BRINP3: variants seen among roughly 807,000 people sequenced by gnomAD.
The protein encoded by BRINP3 is BMP/retinoic acid-inducible neural-specific protein 3.
In BRINP3, 19 loss-of-function variants were observed where a neutral mutation model predicts 71.0. The ratio of observed to expected loss-of-function variants is 0.27; its 90% CI spans 0.19 to 0.39. The LOEUF is 0.39. Ranked by LOEUF, BRINP3 falls within the 10% of genes least tolerant of loss-of-function variation. The pLI, the probability that BRINP3 is intolerant of heterozygous loss-of-function variation, is 1.00. For missense variants in BRINP3, 959 were observed against 940.8 expected (o/e 1.02, Z -0.25); for synonymous variants, 380 against 337.7 (o/e 1.13, Z -1.37).
chr1:190,293,561 T>C (rs1664026604), intron 2 of BRINP3, among the ~76,000 whole-genome samples: 1 of 152,174 alleles, frequency 6.6e-6, no homozygotes. Context: ...AGTTTAACTT[T>C]GATGTTTCCT....
chr1:190,098,495 A>G lies in BRINP3; in HGVS notation c.1824T>C (p.Tyr608=). ...RTKLDLPLQC[Y]NWTLTLGNKW... ...TGTTCCCCAGAGTTAATGTCCAGTT[A>G]TAACACTGCAGGGGTAGGTCCAACT... Residue 608 remains tyrosine, a synonymous_variant, in exon 8 of 8, where the codon TAT becomes TAC. Transcript: ENST00000367462. 6.2e-7 allele frequency: 1 copy of G among 1,614,152 alleles called. No individual in the cohort carries two copies. Among genetic ancestry groups the G allele is most frequent in the Non-Finnish European group, 8.5e-7 (1 of 1,180,018 alleles).
intron 6 of BRINP3, among the ~76,000 whole-genome samples, chr1:190,198,992 G>C (rs537231640): frequency 3.3e-5 from 5 of 150,606 alleles, no homozygotes; most frequent in African/African-American, 1.2e-4. Context: ...ATAAAGGAAA[G>C]GGGCTTGATG....
intron 2 of BRINP3, among the ~76,000 whole-genome samples, chr1:190,337,177 T>C (rs1295968728): frequency 6.6e-6 from 1 of 151,864 alleles, no homozygotes; most frequent in African/African-American, 2.4e-5. Context: ...GGAAACCCAA[T>C]TTTCTCTATG....
chr1:190,218,619 T>A (rs1013687523), intron 6 of BRINP3, among the ~76,000 whole-genome samples: 41 of 152,044 alleles, frequency 2.7e-4, no homozygotes, highest in Non-Finnish European at 5.4e-4. Flanking sequence ...CTGTTGGCAA[T>A]TTTGAAACAT....
intron 2 of BRINP3, among the ~76,000 whole-genome samples, chr1:190,359,263 G>A (rs111363388): frequency 7.4e-4 from 112 of 152,086 alleles, no homozygotes; most frequent in Admixed American, 1.2e-3. Context: ...TTTTCTCATC[G>A]CTCCTGGGAG....
At chr1:190,109,737 G>A (rs1379456773) in intron 7 of BRINP3, among the ~76,000 whole-genome samples, 1 of 152,226 alleles carries the variant, frequency 6.6e-6, no homozygotes, top group African/African-American at 2.4e-5. Context: ...TCTGGAGTTG[G>A]CAAGCTCTTT....
At chr1:190,216,579 G>A (rs1424358441) in intron 6 of BRINP3, among the ~76,000 whole-genome samples, 1 of 151,864 alleles carries the variant, frequency 6.6e-6, no homozygotes, top group Middle Eastern at 3.4e-3. Flanking sequence ...GGCTGTAACA[G>A]GTGGGTTTTC....
At chr1:190,341,507 C>A (rs1411973536) in intron 2 of BRINP3, among the ~76,000 whole-genome samples, 1 of 151,678 alleles carries the variant, frequency 6.6e-6, no homozygotes, top group Non-Finnish European at 1.5e-5. Flanking sequence ...AGTAATGCCA[C>A]CCATTTTGTA....
chr1:190,410,570 T>C (rs568518238), intron 2 of BRINP3, among the ~76,000 whole-genome samples: 62 of 152,160 alleles, frequency 4.1e-4, no homozygotes, highest in Admixed American at 2.4e-3. Flanking sequence ...TATTTAAACC[T>C]ATAGAGAATA....
At chr1:190,198,054 C>A (rs958252866) in intron 6 of BRINP3, among the ~76,000 whole-genome samples, 1 of 152,154 alleles carries the variant, frequency 6.6e-6, no homozygotes, top group Admixed American at 6.6e-5. Context: ...ACAGGCCCAA[C>A]ACCACCTGTA....
At chr1:190,466,200 G>A (rs1159113704) in intron 1 of BRINP3, among the ~76,000 whole-genome samples, 6 of 150,784 alleles carry the variant, frequency 4.0e-5, no homozygotes, top group Non-Finnish European at 8.9e-5. Context: ...AAATGGTTCA[G>A]CAAAGATATT....
intron 2 of BRINP3, among the ~76,000 whole-genome samples, chr1:190,311,137 T>C (rs1256013336): frequency 6.6e-6 from 1 of 151,758 alleles, no homozygotes; most frequent in Non-Finnish European, 1.5e-5. Flanking sequence ...GCCAATGAAC[T>C]GAAACAGCAA....
chr1:190,184,347 G>C (rs1653311982), intron 6 of BRINP3, among the ~76,000 whole-genome samples: 1 of 152,126 alleles, frequency 6.6e-6, no homozygotes, highest in Non-Finnish European at 1.5e-5. Flanking sequence ...ACTTAAAACA[G>C]AGCTACCATT....
intron 2 of BRINP3, among the ~76,000 whole-genome samples, chr1:190,371,382 C>G (rs569786533): frequency 6.6e-6 from 1 of 152,254 alleles, no homozygotes; most frequent in East Asian, 1.9e-4. Flanking sequence ...TAATTTTATT[C>G]TGCTGCATGT....
chr1:190,200,311 T>C (rs918345075), intron 6 of BRINP3, among the ~76,000 whole-genome samples: 15 of 152,134 alleles, frequency 9.9e-5, no homozygotes, highest in Admixed American at 6.6e-4. Context: ...ATGAAAACTA[T>C]TATTAGCTCC....
intron 2 of BRINP3, among the ~76,000 whole-genome samples, chr1:190,420,297 C>T (rs1487705941): frequency 1.3e-5 from 2 of 151,894 alleles, no homozygotes; most frequent in Non-Finnish European, 2.9e-5. Context: ...ACACCTTTAA[C>T]AAGAATATAT....
At chr1:190,313,157 T>C (rs1056449766) in intron 2 of BRINP3, among the ~76,000 whole-genome samples, 50 of 151,892 alleles carry the variant, frequency 3.3e-4, no homozygotes, top group African/African-American at 1.1e-3. Context: ...AACACTACAA[T>C]TAAATATGAT....
At chr1:190,180,040 C>T (rs540291840) in intron 6 of BRINP3, among the ~76,000 whole-genome samples, 1 of 152,120 alleles carries the variant, frequency 6.6e-6, no homozygotes, top group Non-Finnish European at 1.5e-5. Context: ...ATCTTTACTG[C>T]TGTGGTGTCA....
chr1:190,402,935 C>T (rs756108499), intron 2 of BRINP3, among the ~76,000 whole-genome samples: 2 of 152,066 alleles, frequency 1.3e-5, no homozygotes, highest in Middle Eastern at 3.2e-3. Context: ...CTATGTTGCC[C>T]AGGCTGGTCT....
Sources: gnomAD v4.1 joint callset for allele counts (sites outside exome capture counted in the v4.1 genomes callset) on GRCh38, gnomAD v4.1.1 for gene constraint, MANE v1.5 for transcripts, NCBI Gene and HGNC (gene_info 2026-07-23, HGNC 2026-07-21) for gene names.